The following SORCS3 variants were observed in gnomAD, a reference collection of about 807,000 sequenced individuals.
SORCS3 encodes the protein sortilin related VPS10 domain containing receptor 3.
Under a neutral mutation model 146.3 loss-of-function variants are expected in SORCS3, and 57 were observed. The observed-to-expected ratio is 0.39, with a 90% CI of 0.31 to 0.49. The LOEUF (loss-of-function observed/expected upper bound fraction) is 0.49, where lower values mean the gene tolerates loss of function less well. Among genes scored for constraint, SORCS3 ranks in the 20% least tolerant of loss-of-function variants. The pLI is 0.92. For missense variants in SORCS3, 1,341 were observed against 1,575.5 expected (o/e 0.85, Z 2.52); for synonymous variants, 653 against 618.5 (o/e 1.06, Z -0.83).
intron 2 of SORCS3, among the ~76,000 whole-genome samples, chr10:104,900,097 C>T (rs1483747195): frequency 6.6e-6 from 1 of 152,170 alleles, no homozygotes; most frequent in East Asian, 1.9e-4. Context: ...CCTCAAAGCA[C>T]TCCCACCATA....
chr10:104,756,476 G>T (rs2017052094), intron 1 of SORCS3, among the ~76,000 whole-genome samples: 2 of 152,236 alleles, frequency 1.3e-5, no homozygotes, highest in Admixed American at 1.3e-4. Flanking sequence ...AGAGCTCAAA[G>T]AGTTCAGCAG....
At chr10:105,077,575 G>A (rs959496124) in intron 5 of SORCS3, among the ~76,000 whole-genome samples, 2 of 149,632 alleles carry the variant, frequency 1.3e-5, no homozygotes, top group African/African-American at 5.0e-5. Context: ...CAGAGGGATG[G>A]TATTAGGATC....
intron 1 of SORCS3, among the ~76,000 whole-genome samples, chr10:104,780,037 A>T (rs1305483244): frequency 2.6e-5 from 4 of 151,884 alleles, no homozygotes; most frequent in Non-Finnish European, 5.9e-5. Flanking sequence ...GGGAGGTGGA[A>T]GGTGGGGCAG....
Position 104,789,884 on chromosome 10 carries a change from G to A in SORCS3, c.628-52908G>A, listed in dbSNP as rs182355095. ...CCCTGCCTGGTTTTTCTGGCTGGCT[G>A]GGATGTTGGCTGTCCCAGTGTGCAA... On this transcript the variant is annotated intron_variant, in intron 1 of 26. Coordinates refer to ENST00000369701, the MANE Select transcript of SORCS3 (RefSeq NM_014978.3). Among the ~76,000 whole-genome samples, 6 of 152,274 alleles carry A rather than the reference G, an allele frequency of 3.9e-5. No individual in the cohort carries two copies. In the East Asian group the frequency reaches 9.7e-4, roughly 25 times the overall value.
chr10:104,789,620 C>G (rs901904312), intron 1 of SORCS3, among the ~76,000 whole-genome samples: 3 of 152,124 alleles, frequency 2.0e-5, no homozygotes, highest in Non-Finnish European at 4.4e-5. Context: ...AATGTAAAAA[C>G]TACAATTGCT....
chr10:104,799,097 G>A (rs1196425408), intron 1 of SORCS3, among the ~76,000 whole-genome samples: 1 of 152,166 alleles, frequency 6.6e-6, no homozygotes, highest in Non-Finnish European at 1.5e-5. Flanking sequence ...ACACTGTTGG[G>A]AGTGTAAATT....
At chr10:104,975,370 T>C (rs2133647436) in intron 3 of SORCS3, among the ~76,000 whole-genome samples, 1 of 152,078 alleles carries the variant, frequency 6.6e-6, no homozygotes, top group East Asian at 1.9e-4. Flanking sequence ...GAAGGACCTC[T>C]TCAAGGAGAA....
At chr10:105,255,623 C>A in intron 23 of SORCS3, 79 bp from the exon 24 acceptor site, 2 of 936,710 alleles carry the variant, frequency 2.1e-6, no homozygotes, top group Non-Finnish European at 3.4e-6. Flanking sequence ...ACCTATTGAC[C>A]TTGTCCTTGG....
At chr10:105,088,807 C>G (rs941655335) in intron 5 of SORCS3, among the ~76,000 whole-genome samples, 1 of 152,228 alleles carries the variant, frequency 6.6e-6, no homozygotes, top group Non-Finnish European at 1.5e-5. Flanking sequence ...CAAGTATCAG[C>G]TCTTGGGTCT....
chr10:104,891,133 C>T (rs890700473), intron 2 of SORCS3, among the ~76,000 whole-genome samples: 1 of 152,112 alleles, frequency 6.6e-6, no homozygotes, highest in Non-Finnish European at 1.5e-5. Flanking sequence ...GTGTTTTGCC[C>T]CACTACTGAG....
In SORCS3 at chr10:104,928,858, G is replaced by C. The variant is rs75618200; in HGVS notation, c.795+12926G>C. Among the ~76,000 whole-genome samples, 1,261 of 152,302 alleles carry C rather than the reference G, an allele frequency of 8.3e-3. 15 individuals are homozygous for C. The highest frequency in any genetic ancestry group is 0.029 in the African/African-American group (1,192 of 41,564). ...GCCCTATGTCGAGGGCCTCCTGAGA[G>C]CAGATGCAGACAGTCAGCCCTGTCA... On this transcript the variant is annotated intron_variant, in intron 3 of 26. Transcript: ENST00000369701.
In SORCS3 at chr10:104,641,963, C is replaced by G. The variant is rs1469654321; in HGVS notation, c.627+9C>G. ...CGGGACACAACAGCAGCGTGAGTAC[C>G]CACCCGGCGGCGGGTCCGCCTGTTT... On this transcript the variant is annotated intron_variant, in intron 1 of 26. Coordinates refer to ENST00000369701, the MANE Select transcript of SORCS3 (RefSeq NM_014978.3). This position sits in a 1 kb window ranked among gnomAD's most constrained non-coding sequence, Gnocchi z 6.4. The G allele has an allele frequency of 6.5e-7, 1 of 1,547,618 alleles. No homozygotes were observed. Among genetic ancestry groups the G allele is most frequent in the South Asian group, 1.1e-5 (1 of 88,826 alleles).
rs187600588 is a variant in SORCS3 at position 104,738,769 on chromosome 10, T to G, written c.627+96815T>G. ...TGGAGAACAATTCATTGTTGAGAAC[T>G]GATAGCAACTTAATATTTTCCCTTG... On this transcript the variant is annotated intron_variant, in intron 1 of 26. Coordinates refer to ENST00000369701, the MANE Select transcript of SORCS3 (RefSeq NM_014978.3). 5.9e-4 allele frequency among the ~76,000 whole-genome samples: 90 copies of G among 152,300 alleles called. 2 individuals are homozygous for G. The East Asian group carries it at 0.017, about 28-fold the overall frequency.
intron 18 of SORCS3, 44 bp downstream of exon 18, chr10:105,214,657 A>T: frequency 6.7e-7 from 1 of 1,493,374 alleles, no homozygotes. Flanking sequence ...TCCCAACCAG[A>T]CCATTCCCAG....
At chr10:104,705,640 T>C (rs2016328434) in intron 1 of SORCS3, among the ~76,000 whole-genome samples, 2 of 152,154 alleles carry the variant, frequency 1.3e-5, no homozygotes, top group South Asian at 4.1e-4. Context: ...ACCTCAGTTG[T>C]GGGAGAAGCA....
chr10:104,851,753 A>G (rs2018276419), intron 2 of SORCS3, among the ~76,000 whole-genome samples: 1 of 152,178 alleles, frequency 6.6e-6, no homozygotes, highest in Non-Finnish European at 1.5e-5. Flanking sequence ...ATTCCTGCTT[A>G]TATATATAAT....
chr10:104,856,332 A>G (rs936319093), intron 2 of SORCS3, among the ~76,000 whole-genome samples: 3 of 150,874 alleles, frequency 2.0e-5, no homozygotes, highest in Non-Finnish European at 4.4e-5. Context: ...TATATAAATT[A>G]GAGGTATATA....
chr10:104,655,806 G>A (rs1008249130), intron 1 of SORCS3, among the ~76,000 whole-genome samples: 6 of 152,154 alleles, frequency 3.9e-5, no homozygotes, highest in African/African-American at 1.4e-4. Context: ...CTTCTTCCGT[G>A]TAAGACATCT....
intron 5 of SORCS3, among the ~76,000 whole-genome samples, chr10:105,076,618 G>T (rs180833139): frequency 6.6e-6 from 1 of 152,250 alleles, no homozygotes; most frequent in African/African-American, 2.4e-5. Context: ...CCAGCAGGAC[G>T]ATTTGTGCCT....
Sources: gnomAD v4.1 joint callset for allele counts (sites outside exome capture counted in the v4.1 genomes callset) on GRCh38, gnomAD v4.1.1 for gene constraint, Gnocchi (gnomAD v3.1) non-coding constraint, MANE v1.5 for transcripts, NCBI Gene and HGNC (gene_info 2026-07-23, HGNC 2026-07-21) for gene names.